NCBP1: variants seen among roughly 807,000 people sequenced by gnomAD.
NCBP1 encodes the protein nuclear cap-binding protein subunit 1.
In NCBP1, 16 loss-of-function variants were observed where a neutral mutation model predicts 111.7. The ratio of observed to expected loss-of-function variants is 0.14; its 90% confidence interval spans 0.10 to 0.22. NCBP1 has a LOEUF of 0.22. Ranked by LOEUF, NCBP1 falls within the 10% of genes least tolerant of loss-of-function variation. The pLI, the probability that NCBP1 is intolerant of heterozygous loss-of-function variation, is 1.00. For synonymous variants in NCBP1, 304 were observed against 314.3 expected (o/e 0.97, Z 0.35); for missense variants, 607 against 957.5 (o/e 0.63, Z 4.83).
Position 97,645,711 on chromosome 9 carries a change from C to T in NCBP1, c.590C>T (p.Ala197Val). The T allele has an allele frequency of 6.2e-7, 1 of 1,613,892 alleles. No homozygotes were observed. The highest frequency in any genetic ancestry group is 8.5e-7 in the Non-Finnish European group (1 of 1,179,892). Residue 197 changes from alanine to valine, a missense_variant, in exon 6 of 23, where the codon GCC (alanine) becomes GTC (valine). By Grantham distance (64) the Ala-to-Val change is moderately conservative. Coordinates refer to ENST00000375147, the MANE Select transcript of NCBP1 (RefSeq NM_002486.5). ...GATGCAGAGATGGACCGCATCTTTG[C>T]CAACACTGAAAGCTATCTTAAGTAA... is the stretch of plus-strand genomic sequence containing the variant. Reference protein sequence around the residue: ...KKDAEMDRIFANTESYLKRRQ... With the variant: ...KKDAEMDRIFVNTESYLKRRQ...
intron 1 of NCBP1, among the ~76,000 whole-genome samples, chr9:97,638,352 T>A (rs1267478376): frequency 6.6e-6 from 1 of 152,212 alleles, no homozygotes. Flanking sequence ...TATGTACATG[T>A]ATTTTCTAGT....
intron 8 of NCBP1, 133 bp downstream of exon 8, chr9:97,648,356 A>T (rs976960640): frequency 1.1e-5 from 8 of 747,986 alleles, no homozygotes; most frequent in Non-Finnish European, 1.5e-5. Flanking sequence ...GTAGCAATGA[A>T]GTTAACTTTT....
rs948366093 is a variant in NCBP1 at position 97,645,691 on chromosome 9, A to G, written c.570A>G (p.Ala190=). The stretch of plus-strand genomic sequence containing the variant: ...AGGAGTTGTACGAAAAGAAAGATGC[A>G]GAGATGGACCGCATCTTTGCCAACA... ...VGKELYEKKD[A]EMDRIFANTE... Residue 190 remains alanine (A), a synonymous_variant, in exon 6 of 23, where the codon GCA becomes GCG. Coordinates refer to ENST00000375147, the MANE Select transcript of NCBP1 (RefSeq NM_002486.5). 6.2e-7 allele frequency: 1 copy of G among 1,613,940 alleles called. No homozygotes were observed. Among genetic ancestry groups the G allele is most frequent in the Non-Finnish European group, 8.5e-7 (1 of 1,179,942 alleles).
In NCBP1 at chr9:97,671,224, G is replaced by T; in HGVS notation, c.*25G>T. On this transcript the variant is annotated 3_prime_UTR_variant, in exon 23 of 23. Transcript: ENST00000375147. ...AGGGTCATTTTTTCCTCATGTCAAGGTTTTTTTTGATATCTTAAAATAATT... is the reference window on the plus strand; with the variant it reads ...AGGGTCATTTTTTCCTCATGTCAAGTTTTTTTTTGATATCTTAAAATAATT... 2.7e-6 allele frequency: 4 copies of T among 1,479,162 alleles called. No individual in the cohort carries two copies. Among genetic ancestry groups the T allele is most frequent in the Admixed American group, 3.8e-5 (2 of 52,208 alleles). 91.6% of individuals were successfully genotyped at this position (1,479,162 alleles called of 1,614,324 possible).
intron 14 of NCBP1, among the ~76,000 whole-genome samples, chr9:97,657,105 T>A (rs745892009): frequency 3.3e-5 from 5 of 152,196 alleles, no homozygotes; most frequent in Non-Finnish European, 5.9e-5. Context: ...TAGCTGGGAC[T>A]ACAGGCGCCC....
rs1827297252 is a variant in NCBP1, at chr9:97,645,112, A to T, written c.382-5A>T. On this transcript the variant is annotated splice_polypyrimidine_tract_variant and splice_region_variant and intron_variant, in intron 4 of 22. Coordinates refer to ENST00000375147, the MANE Select transcript of NCBP1 (RefSeq NM_002486.5). ...TTTAATAGCAGAAATTGTTTGCCCCAACAGGTCCGTTTTTTATCTGATCTT... is the reference window on the plus strand; with the variant it reads ...TTTAATAGCAGAAATTGTTTGCCCCTACAGGTCCGTTTTTTATCTGATCTT... 1.2e-6 allele frequency: 2 copies of T among 1,610,116 alleles called. No homozygotes were observed. Among genetic ancestry groups the T allele is most frequent in the Non-Finnish European group, 1.7e-6 (2 of 1,176,622 alleles).
chr9:97,652,401 T>G (rs1194253037), intron 10 of NCBP1, among the ~76,000 whole-genome samples: 1 of 152,170 alleles, frequency 6.6e-6, no homozygotes, highest in Non-Finnish European at 1.5e-5. Context: ...GCTGATAGCT[T>G]GAGCTCAGGA....
At chr9:97,637,228 TGTA>T in intron 1 of NCBP1, among the ~76,000 whole-genome samples, 1 of 152,294 alleles carries the variant, frequency 6.6e-6, no homozygotes, top group Admixed American at 6.5e-5. Context: ...ATGAAGTTCA[TGTA>T]GTAGTCCATT....
chr9:97,637,264 C>G (rs1827070169), intron 1 of NCBP1, among the ~76,000 whole-genome samples: 1 of 152,120 alleles, frequency 6.6e-6, no homozygotes, highest in East Asian at 1.9e-4. Context: ...AAAGGAAATG[C>G]TAAATGGAAA....
intron 1 of NCBP1, among the ~76,000 whole-genome samples, chr9:97,638,752 C>T (rs111843871): frequency 1.3e-5 from 2 of 152,082 alleles, no homozygotes; most frequent in African/African-American, 2.4e-5. Flanking sequence ...CCCTATGCAA[C>T]GTGAGATATT....
intron 8 of NCBP1, among the ~76,000 whole-genome samples, chr9:97,648,569 T>C (rs1385979521): frequency 6.6e-6 from 1 of 152,210 alleles, no homozygotes; most frequent in African/African-American, 2.4e-5. Flanking sequence ...GTGCTTTCAT[T>C]TCCTGAAGGT....
intron 14 of NCBP1, among the ~76,000 whole-genome samples, chr9:97,657,233 T>C (rs775850071): frequency 1.3e-5 from 2 of 152,230 alleles, no homozygotes; most frequent in Non-Finnish European, 2.9e-5. Context: ...CCCAAAGTGC[T>C]GAGATTACAG....
At chr9:97,634,913 AT>A (rs1461878593) in intron 1 of NCBP1, among the ~76,000 whole-genome samples, 2 of 152,232 alleles carry the variant, frequency 1.3e-5, no homozygotes, top group Non-Finnish European at 2.9e-5. Flanking sequence ...AAGTAATGAT[AT>A]TTATATCTTC....
intron 7 of NCBP1, 152 bp from the exon 8 acceptor site, chr9:97,647,856 G>C: frequency 1.3e-6 from 1 of 755,886 alleles, no homozygotes; most frequent in Non-Finnish European, 2.1e-6. Context: ...GACTTTGTAA[G>C]TAAAATAAAA....
intron 10 of NCBP1, among the ~76,000 whole-genome samples, 184 bp downstream of exon 10, chr9:97,651,557 GA>G (rs1046794648): frequency 6.6e-6 from 1 of 152,072 alleles, no homozygotes; most frequent in African/African-American, 2.4e-5. Context: ...TTAGTAAAGA[GA>G]AAAAAGATTG....
chr9:97,669,647 A>G lies in NCBP1; in HGVS notation c.2200A>G (p.Ser734Gly), dbSNP rs1286426586. The change falls in exon 22 of 23, where the codon AGT (serine) becomes GGT (glycine). Residue 734 changes from serine (S) to glycine (G), a missense_variant. Around this residue, in one of 9 missense-constraint regions of NCBP1, gnomAD observed 282 missense variants for 376.5 expected, o/e 0.75. Coordinates refer to ENST00000375147, the MANE Select transcript of NCBP1 (RefSeq NM_002486.5). The part of the protein sequence containing the change: ...HLVRCETDGT[S>G]VLTPWYKNCI... ...AGTACGATGCGAAACTGATGGGACC[A>G]GTGTATTAACACCATGGTATAAGAA... is the stretch of plus-strand genomic sequence containing the variant. 2 of 1,613,306 alleles carry G rather than the reference A, an allele frequency of 1.2e-6. No individual in the cohort carries two copies. Among genetic ancestry groups the G allele is most frequent in the African/African-American group, 1.3e-5 (1 of 74,898 alleles).
At chr9:97,650,751 CT>C (rs1329486106) in intron 9 of NCBP1, 151 bp downstream of exon 9, 6 of 626,958 alleles carry the variant, frequency 9.6e-6, no homozygotes, top group Non-Finnish European at 1.7e-5. Flanking sequence ...ACTTGCTTTA[CT>C]TTCTCAAGGC....
intron 9 of NCBP1, 120 bp downstream of exon 9, chr9:97,650,720 C>G: frequency 1.1e-5 from 8 of 743,162 alleles, no homozygotes; most frequent in Non-Finnish European, 4.5e-6. Flanking sequence ...CCCTGTCTTG[C>G]TAAAATCAAT....
At chr9:97,668,520 C>T (rs1828078739) in intron 20 of NCBP1, among the ~76,000 whole-genome samples, 1 of 152,144 alleles carries the variant, frequency 6.6e-6, no homozygotes, top group Non-Finnish European at 1.5e-5. Flanking sequence ...GAATGATTAG[C>T]AAGCTGTCTC....
Sources: allele counts gnomAD v4.1 joint callset (sites outside exome capture counted in the v4.1 genomes callset), GRCh38; gene constraint gnomAD v4.1.1; regional missense constraint gnomAD v4.1.1; transcripts MANE v1.5; gene names NCBI Gene and HGNC (gene_info 2026-07-23, HGNC 2026-07-21).